The following CTNNA2 variants were observed in gnomAD, a reference collection of about 807,000 sequenced individuals.
CTNNA2 encodes the protein catenin alpha 2.
In CTNNA2, 42 loss-of-function variants were observed where a neutral mutation model predicts 101.0. The ratio of observed to expected loss-of-function variants is 0.42; its 90% CI spans 0.32 to 0.54. The LOEUF (loss-of-function observed/expected upper bound fraction) is 0.54, where lower values mean the gene tolerates loss of function less well. CTNNA2 is among the 20% of genes least tolerant of loss of function. CTNNA2 has a pLI of 0.14. For missense variants in CTNNA2, 871 were observed against 1,223.1 expected (o/e 0.71, Z 4.29); for synonymous variants, 450 against 456.4 (o/e 0.99, Z 0.18).
chr2:80,571,890 C>A (rs771564412), intron 12 of CTNNA2, among the ~76,000 whole-genome samples: 1 of 152,128 alleles, frequency 6.6e-6, no homozygotes, highest in Non-Finnish European at 1.5e-5. Context: ...TAATTTTCTT[C>A]TTAACTCTTT....
intron 7 of CTNNA2, among the ~76,000 whole-genome samples, chr2:80,207,386 G>A (rs1325257062): frequency 6.6e-6 from 1 of 152,162 alleles, no homozygotes; most frequent in African/African-American, 2.4e-5. Context: ...GCAAAATAAG[G>A]AGATATGATT....
chr2:79,921,079 A>C lies in CTNNA2; in HGVS notation c.1056+11282A>C, dbSNP rs1315074463. 2.0e-5 allele frequency among the ~76,000 whole-genome samples: 3 copies of C among 152,182 alleles called. No individual in the cohort carries two copies. The East Asian group carries it at 5.8e-4, about 29-fold the overall frequency. ...GTACCTGAAGAGATACATCGACAGA[A>C]GACAAGGGTCACAGTTAAGCTTTTT... On this transcript the variant is annotated intron_variant, in intron 7 of 18. Transcript: ENST00000402739.
intron 7 of CTNNA2, among the ~76,000 whole-genome samples, chr2:80,124,767 TC>T (rs1302068900): frequency 6.6e-6 from 1 of 152,132 alleles, no homozygotes; most frequent in Non-Finnish European, 1.5e-5. Context: ...CCCCTCCCCT[TC>T]CTCTTCCTCT....
chr2:79,254,796 A>G (rs2104277634), intron 2 of CTNNA2, among the ~76,000 whole-genome samples: 1 of 152,328 alleles, frequency 6.6e-6, no homozygotes, highest in African/African-American at 2.4e-5. Flanking sequence ...ATGAAAGTAA[A>G]TGACAACATT....
chr2:79,404,427 A>T (rs1678320817), intron 4 of CTNNA2, among the ~76,000 whole-genome samples: 1 of 151,982 alleles, frequency 6.6e-6, no homozygotes, highest in African/African-American at 2.4e-5. Context: ...TATTCCTGTT[A>T]TTCTTTGCTT....
intron 4 of CTNNA2, among the ~76,000 whole-genome samples, chr2:79,393,628 GAAAAA>G (rs71385270): frequency 1.1e-5 from 1 of 89,036 alleles, no homozygotes. Context: ...TGTTCACAGA[GAAAAA>G]AAAAAAAAAA....
intron 3 of CTNNA2, among the ~76,000 whole-genome samples, chr2:79,853,132 T>A (rs1680857740): frequency 1.3e-5 from 2 of 152,260 alleles, no homozygotes; most frequent in South Asian, 4.1e-4. Flanking sequence ...CCTCCCAAAG[T>A]GCTGGGATTA....
chr2:79,997,543 T>C (rs758716820), intron 7 of CTNNA2, among the ~76,000 whole-genome samples: 1 of 152,140 alleles, frequency 6.6e-6, no homozygotes, highest in Non-Finnish European at 1.5e-5. Context: ...GCCCCAGCAG[T>C]GGTTCACTCC....
At chr2:80,624,553 G>C (rs1671476659) in intron 18 of CTNNA2, among the ~76,000 whole-genome samples, 1 of 151,926 alleles carries the variant, frequency 6.6e-6, no homozygotes, top group South Asian at 2.1e-4. Context: ...AGAAGAAAGT[G>C]AGTCTTAGTT....
At chr2:79,859,003 A>ATGATG (rs1215323733) in intron 4 of CTNNA2, among the ~76,000 whole-genome samples, 2 of 151,666 alleles carry the variant, frequency 1.3e-5, no homozygotes, top group Non-Finnish European at 2.9e-5. Flanking sequence ...TTTAACAAAG[A>ATGATG]TGATGTAACT....
intron 4 of CTNNA2, among the ~76,000 whole-genome samples, chr2:79,427,139 C>T (rs1241780240): frequency 6.6e-6 from 1 of 151,818 alleles, no homozygotes; most frequent in African/African-American, 2.4e-5. Context: ...ATAACACCTG[C>T]TATAAGCAAA....
intron 6 of CTNNA2, among the ~76,000 whole-genome samples, chr2:79,898,407 T>A (rs1684857628): frequency 6.6e-6 from 1 of 152,102 alleles, no homozygotes; most frequent in East Asian, 1.9e-4. Context: ...AGTGCTGGGA[T>A]TACAGATGTG....
chr2:80,165,851 A>T (rs1296334238), intron 7 of CTNNA2, among the ~76,000 whole-genome samples: 1 of 152,090 alleles, frequency 6.6e-6, no homozygotes, highest in Non-Finnish European at 1.5e-5. Flanking sequence ...CTCTGATACC[A>T]CCCTGGTGTG....
rs112889406 is a variant in CTNNA2, at chr2:80,167,936, G to A, written c.1057-225275G>A. On this transcript the variant is annotated intron_variant, in intron 7 of 18. Transcript: ENST00000402739. ...GAGATAAAGCAGGGGCTCTGCGGCTGTTTGTGAGGGAAGCATTTAATCAGC... is the reference window on the plus strand; with the variant it reads ...GAGATAAAGCAGGGGCTCTGCGGCTATTTGTGAGGGAAGCATTTAATCAGC... Among the ~76,000 whole-genome samples the A allele has an allele frequency of 3.4e-3, 525 of 152,284 alleles. 2 individuals are homozygous for A. Among genetic ancestry groups the A allele is most frequent in the African/African-American group, 0.012 (492 of 41,556 alleles).
chr2:80,633,292 G>A (rs1021260228), intron 18 of CTNNA2, among the ~76,000 whole-genome samples: 3 of 152,128 alleles, frequency 2.0e-5, no homozygotes, highest in African/African-American at 7.2e-5. Context: ...GTATTTAATT[G>A]TATTTAATCA....
intron 1 of CTNNA2, among the ~76,000 whole-genome samples, chr2:79,195,297 T>A (rs1430390894): frequency 1.3e-5 from 2 of 152,170 alleles, no homozygotes; most frequent in African/African-American, 4.8e-5. Context: ...TGGGACCCTT[T>A]TCAGAATATT....
At chr2:79,792,888 A>C (rs1397059914) in intron 3 of CTNNA2, among the ~76,000 whole-genome samples, 1 of 152,232 alleles carries the variant, frequency 6.6e-6, no homozygotes, top group Admixed American at 6.5e-5. Context: ...TATAATACCT[A>C]TACTAAACAA....
chr2:79,811,679 T>G (rs1677051880), intron 3 of CTNNA2, among the ~76,000 whole-genome samples: 1 of 152,168 alleles, frequency 6.6e-6, no homozygotes, highest in Admixed American at 6.5e-5. Flanking sequence ...TGTTCTTTTT[T>G]CAAAATTGGT....
At chr2:80,068,043 T>G (rs1263860401) in intron 7 of CTNNA2, among the ~76,000 whole-genome samples, 1 of 152,224 alleles carries the variant, frequency 6.6e-6, no homozygotes, top group Admixed American at 6.5e-5. Flanking sequence ...CATTTGTTGT[T>G]TCTTCAAGCC....
Sources: gnomAD v4.1 joint callset for allele counts (sites outside exome capture counted in the v4.1 genomes callset) on GRCh38, gnomAD v4.1.1 for gene constraint, MANE v1.5 for transcripts, NCBI Gene and HGNC (gene_info 2026-07-23, HGNC 2026-07-21) for gene names.